DCUN1D4: variants seen among roughly 807,000 people sequenced by gnomAD.
The protein encoded by DCUN1D4 is DCN1-like protein 4.
DCUN1D4 carries 22 observed loss-of-function variants against 47.9 expected under a neutral mutation model. The ratio of observed to expected loss-of-function variants is 0.46; its 90% confidence interval spans 0.33 to 0.66. The LOEUF is 0.66. DCUN1D4 is among the 30% of genes least tolerant of loss of function. The pLI, the probability that DCUN1D4 is intolerant of heterozygous loss-of-function variation, is 0.02. For missense variants in DCUN1D4, 301 were observed against 340.8 expected, an observed-to-expected ratio of 0.88 and a Z score of 0.92; for synonymous variants, 121 against 112.2, an observed-to-expected ratio of 1.08 and a Z score of -0.50.
the DCUN1D4 span, among the ~76,000 whole-genome samples, chr4:51,835,964 T>A: frequency 6.6e-6 from 1 of 152,090 alleles, no homozygotes; most frequent in African/African-American, 2.4e-5. Flanking sequence ...AGCCAAGCCT[T>A]CCTCCTCCCA....
chr4:51,886,386 A>G (rs919621201), intron 5 of DCUN1D4, among the ~76,000 whole-genome samples, 182 bp from the exon 6 acceptor site: 1 of 152,248 alleles, frequency 6.6e-6, no homozygotes, highest in Non-Finnish European at 1.5e-5. Flanking sequence ...AAATGATTGT[A>G]CAAAGTAGAG....
intron 9 of DCUN1D4, among the ~76,000 whole-genome samples, chr4:51,911,646 G>T (rs1157648896): frequency 6.6e-6 from 1 of 152,164 alleles, no homozygotes; most frequent in East Asian, 1.9e-4. Flanking sequence ...ATCAATCTAA[G>T]TATTAGGCAG....
chr4:51,886,491 A>G, intron 5 of DCUN1D4, 77 bp from the exon 6 acceptor site: 1 of 1,236,834 alleles, frequency 8.1e-7, no homozygotes. Flanking sequence ...TTACTTGTTG[A>G]CAGTATAATA....
chr4:51,843,388 G>A lies in DCUN1D4; in HGVS notation c.25+121G>A, dbSNP rs559124002. The A allele has an allele frequency of 3.1e-5, 42 of 1,346,862 alleles. No homozygotes were observed. In the Middle Eastern group the frequency reaches 1.1e-3, roughly 34 times the overall value. 83.4% of individuals were successfully genotyped at this position (1,346,862 alleles called of 1,614,324 possible). A position where few individuals can be genotyped will look rare whatever the true frequency, so the allele number is the denominator to read the frequency against. ...AAACGCGCCGGGAGCCCCTGCCTGG[G>A]AACCACCCCTTCCCCTCCCGGGGCC... On this transcript the variant is annotated intron_variant, in intron 1 of 10. Transcript: ENST00000334635.
chr4:51,836,680 G>C, the DCUN1D4 span, among the ~76,000 whole-genome samples: 1 of 152,094 alleles, frequency 6.6e-6, no homozygotes, highest in Non-Finnish European at 1.5e-5. Context: ...ACTAGGACAG[G>C]AAGTTCTTAC....
intron 1 of DCUN1D4, among the ~76,000 whole-genome samples, chr4:51,852,018 CT>C (rs1024975438): frequency 1.3e-5 from 2 of 151,516 alleles, no homozygotes; most frequent in Non-Finnish European, 2.9e-5. Flanking sequence ...TATTGGAATT[CT>C]TTTTTTTTCT....
chr4:51,913,787 A>G lies in DCUN1D4; in HGVS notation c.*203A>G, dbSNP rs750100270. The G allele has an allele frequency of 9.6e-6, 5 of 523,046 alleles. No individual in the cohort carries two copies. The highest frequency in any genetic ancestry group is 3.8e-5 in the African/African-American group (2 of 52,376). 32.4% of individuals were successfully genotyped at this position (523,046 alleles called of 1,614,324 possible). On this transcript the variant is annotated 3_prime_UTR_variant, in exon 11 of 11. Transcript: ENST00000334635. ...CTTGGAAGGCTGCTTTGCAGTTTGT[A>G]TTTACACTACAGATTGGTGAATTTG...
intron 8 of DCUN1D4, among the ~76,000 whole-genome samples, chr4:51,900,780 T>C (rs190581886): frequency 1.7e-3 from 255 of 152,248 alleles, no homozygotes; most frequent in African/African-American, 6.0e-3. Flanking sequence ...GTTTTTTTTT[T>C]CCTCCCAAAG....
chr4:51,845,409 A>G (rs1172805945), intron 1 of DCUN1D4, among the ~76,000 whole-genome samples: 1 of 152,240 alleles, frequency 6.6e-6, no homozygotes, highest in Non-Finnish European at 1.5e-5. Flanking sequence ...ATTTTCGAAG[A>G]AGCTTGGAAA....
chr4:51,837,240 C>T, the DCUN1D4 span, among the ~76,000 whole-genome samples: 844 of 152,196 alleles, frequency 5.5e-3, 13 homozygotes, highest in East Asian at 0.045. Context: ...TGTTAATTCC[C>T]TAGGCAGGTG....
chr4:51,885,436 A>T (rs1394462582), intron 5 of DCUN1D4, among the ~76,000 whole-genome samples: 1 of 152,226 alleles, frequency 6.6e-6, no homozygotes, highest in Non-Finnish European at 1.5e-5. Flanking sequence ...CAGCTGGGAC[A>T]GCATACAGGA....
chr4:51,862,705 A>G (rs1725260238), intron 1 of DCUN1D4, among the ~76,000 whole-genome samples: 1 of 152,130 alleles, frequency 6.6e-6, no homozygotes, highest in Non-Finnish European at 1.5e-5. Context: ...TATATATGCA[A>G]ACATACTTTA....
intron 9 of DCUN1D4, among the ~76,000 whole-genome samples, chr4:51,912,012 A>G (rs989696568): frequency 2.0e-5 from 3 of 152,154 alleles, no homozygotes; most frequent in Admixed American, 1.3e-4. Flanking sequence ...AATGGTCCAG[A>G]ATATTTTTAA....
intron 9 of DCUN1D4, 73 bp from the exon 10 acceptor site, chr4:51,913,217 C>A (rs997917971): frequency 1.1e-6 from 1 of 928,586 alleles, no homozygotes; most frequent in Non-Finnish European, 1.7e-6. Context: ...TAAGTTGATT[C>A]ATAAAGCAAT....
rs909477110 is a variant in DCUN1D4, at chr4:51,914,348, T to TTTTG, written c.*775_*778dup. The TTTTG allele has an allele frequency of 6.6e-6, 1 of 152,144 alleles. No homozygotes were observed. Among genetic ancestry groups the TTTTG allele is most frequent in the African/African-American group, 2.4e-5 (1 of 41,446 alleles). 9.4% of individuals were successfully genotyped at this position (152,144 alleles called of 1,614,324 possible). On this transcript the variant is annotated 3_prime_UTR_variant, in exon 11 of 11. Transcript: ENST00000334635. ...AACTCTTATAAACATTCTTTAACTT[T>TTTTG]TTTGTTTGTTTGTTCTCTTTTTTTC...
chr4:51,869,788 T>G (rs1726583358), intron 3 of DCUN1D4, among the ~76,000 whole-genome samples: 1 of 152,206 alleles, frequency 6.6e-6, no homozygotes, highest in African/African-American at 2.4e-5. Context: ...ATAGACCTGT[T>G]GAAAAAATGT....
At chr4:51,875,511 T>C (rs1727531980) in intron 4 of DCUN1D4, among the ~76,000 whole-genome samples, 1 of 152,236 alleles carries the variant, frequency 6.6e-6, no homozygotes, top group African/African-American at 2.4e-5. Flanking sequence ...TAAACAACTT[T>C]ATTTACATAC....
upstream of DCUN1D4, among the ~76,000 whole-genome samples, chr4:51,842,126 C>T (rs1721080888): frequency 6.6e-6 from 1 of 152,144 alleles, no homozygotes; most frequent in Non-Finnish European, 1.5e-5. Context: ...GACTTAGGGT[C>T]AGAAGAATTC....
intron 5 of DCUN1D4, among the ~76,000 whole-genome samples, chr4:51,886,205 T>C (rs1320496046): frequency 6.6e-6 from 1 of 152,242 alleles, no homozygotes; most frequent in Non-Finnish European, 1.5e-5. Flanking sequence ...GAGACTATTA[T>C]GTGGTTCTTT....
Sources: gnomAD v4.1 joint callset for allele counts (sites outside exome capture counted in the v4.1 genomes callset) on GRCh38, gnomAD v4.1.1 for gene constraint, MANE v1.5 for transcripts, NCBI Gene and HGNC (gene_info 2026-07-23, HGNC 2026-07-21) for gene names.